The following SPACA7 variants were observed in gnomAD, a reference collection of about 807,000 sequenced individuals.
SPACA7 encodes the protein sperm acrosome associated 7.
A neutral mutation model predicts 26.3 loss-of-function variants in SPACA7; 19 were observed. That is an observed-to-expected ratio of 0.72 (90% CI 0.50 to 1.06). The LOEUF (loss-of-function observed/expected upper bound fraction) is 1.06, where lower values mean the gene tolerates loss of function less well. Among genes scored for constraint, SPACA7 ranks in the 50% least tolerant of loss-of-function variants. The pLI is 0.00. For synonymous variants in SPACA7, 84 were observed against 84.5 expected, an observed-to-expected ratio of 0.99 and a Z score of 0.04; for missense variants, 211 against 229.9, an observed-to-expected ratio of 0.92 and a Z score of 0.53.
intron 5 of SPACA7, among the ~76,000 whole-genome samples, chr13:112,413,694 A>G (rs1467648036): frequency 6.6e-6 from 1 of 151,132 alleles, no homozygotes; most frequent in Non-Finnish European, 1.5e-5. Context: ...ATTTTTCTCT[A>G]CTCCTTAAGG....
intron 5 of SPACA7, among the ~76,000 whole-genome samples, chr13:112,408,127 A>G (rs560072250): frequency 6.6e-6 from 1 of 152,332 alleles, no homozygotes; most frequent in Non-Finnish European, 1.5e-5. Flanking sequence ...CCACATGATT[A>G]TCTCAATAGA....
chr13:112,377,703 C>G (rs1883780982), intron 1 of SPACA7, among the ~76,000 whole-genome samples: 1 of 152,286 alleles, frequency 6.6e-6, no homozygotes, highest in East Asian at 1.9e-4. Context: ...CTCAGAGGAG[C>G]CTGGCATGAG....
At chr13:112,378,485 G>C (rs1883836986) in intron 1 of SPACA7, among the ~76,000 whole-genome samples, 1 of 152,154 alleles carries the variant, frequency 6.6e-6, no homozygotes, top group Non-Finnish European at 1.5e-5. Context: ...AATGGTAATG[G>C]ACCACATAAA....
At chr13:112,428,549 C>T (rs761664453) in intron 5 of SPACA7, among the ~76,000 whole-genome samples, 6 of 151,906 alleles carry the variant, frequency 3.9e-5, no homozygotes, top group East Asian at 3.9e-4. Flanking sequence ...CACTGCACTC[C>T]GGTCTGGGTG....
chr13:112,422,607 C>T (rs7337837), intron 5 of SPACA7, among the ~76,000 whole-genome samples: 5 of 152,158 alleles, frequency 3.3e-5, no homozygotes, highest in Non-Finnish European at 7.4e-5. Context: ...CTGCACACAA[C>T]AGAAATAAAC....
chr13:112,397,103 C>T (rs1885320660), intron 2 of SPACA7, among the ~76,000 whole-genome samples: 1 of 152,252 alleles, frequency 6.6e-6, no homozygotes, highest in Non-Finnish European at 1.5e-5. Flanking sequence ...GGGTGAGAAA[C>T]CAAGAGCCCA....
chr13:112,393,515 GC>G (rs1361772391), intron 2 of SPACA7, among the ~76,000 whole-genome samples: 3 of 151,016 alleles, frequency 2.0e-5, no homozygotes, highest in Non-Finnish European at 3.0e-5. Flanking sequence ...AGCCCTGCCA[GC>G]CCCCTGGAAA....
chr13:112,402,077 C>T (rs1885683032), intron 5 of SPACA7, among the ~76,000 whole-genome samples: 1 of 151,974 alleles, frequency 6.6e-6, no homozygotes, highest in Non-Finnish European at 1.5e-5. Flanking sequence ...ATTTCCTTTC[C>T]TTGAGTTTAT....
chr13:112,382,508 G>T, intron 1 of SPACA7: 5 of 1,550,332 alleles, frequency 3.2e-6, no homozygotes, highest in Non-Finnish European at 4.4e-6. Context: ...GAACCCCAAG[G>T]TGAGAACAGT....
intron 5 of SPACA7, among the ~76,000 whole-genome samples, chr13:112,419,937 C>T (rs969836530): frequency 4.6e-5 from 7 of 152,200 alleles, no homozygotes; most frequent in Admixed American, 2.0e-4. Context: ...AGAAACACTA[C>T]GAAAGTCTCT....
At position 112,383,173 on chromosome 13, in the gene SPACA7, GAAAGAAAGAAAGAA is replaced by G. The variant is rs1884297135; in HGVS notation, c.94+6696_94+6709del. On this transcript the variant is annotated intron_variant, in intron 1 of 6. Transcript: ENST00000283550. Reference sequence around the variant, plus strand: ...AGAAAGAAAGAAAGAAAGAAAGAAAGAAAGAAAGAAAGAAAGAAAGAAAAGAAAGAAAGAAAGGA... The same window carrying G: ...AGAAAGAAAGAAAGAAAGAAAGAAAGAGAAAGAAAAGAAAGAAAGAAAGGA... Among the ~76,000 whole-genome samples the G allele has an allele frequency of 1.8e-5, 2 of 114,090 alleles. 1 individual carries two copies. The highest frequency in any genetic ancestry group is 3.6e-5 in the Non-Finnish European group (2 of 54,810). The allele number at this position is 114,090 out of a possible 152,430, so 74.8% of individuals were successfully genotyped here.
At chr13:112,408,995 T>C (rs768924321) in intron 5 of SPACA7, among the ~76,000 whole-genome samples, 1 of 152,146 alleles carries the variant, frequency 6.6e-6, no homozygotes, top group African/African-American at 2.4e-5. Context: ...CAAAACAGCA[T>C]GATACTGGTA....
At chr13:112,410,743 G>T (rs540367995) in intron 5 of SPACA7, among the ~76,000 whole-genome samples, 1 of 149,736 alleles carries the variant, frequency 6.7e-6, no homozygotes, top group African/African-American at 2.5e-5. Flanking sequence ...ACAGTATGGT[G>T]GTGCCTCAAA....
chr13:112,413,503 T>C (rs1886487545), intron 5 of SPACA7, among the ~76,000 whole-genome samples: 1 of 152,206 alleles, frequency 6.6e-6, no homozygotes, highest in Admixed American at 6.5e-5. Context: ...CTTGCTTCTT[T>C]TATAATCCTT....
At chr13:112,419,973 C>G (rs944127435) in intron 5 of SPACA7, among the ~76,000 whole-genome samples, 10 of 152,206 alleles carry the variant, frequency 6.6e-5, no homozygotes, top group African/African-American at 2.4e-4. Context: ...ACTGTGAACA[C>G]AAGGCAACAG....
At chr13:112,427,734 G>T (rs1876670547) in intron 5 of SPACA7, among the ~76,000 whole-genome samples, 1 of 152,140 alleles carries the variant, frequency 6.6e-6, no homozygotes, top group African/African-American at 2.4e-5. Context: ...TAGATAGAGA[G>T]CTATTTTGTG....
At chr13:112,429,809 T>C (rs569800996) in intron 5 of SPACA7, among the ~76,000 whole-genome samples, 174 of 152,348 alleles carry the variant, frequency 1.1e-3, no homozygotes, top group Non-Finnish European at 2.1e-3. Context: ...TTAGATAGTC[T>C]TGTATTTTTA....
chr13:112,396,535 C>T (rs1232883802), intron 2 of SPACA7, among the ~76,000 whole-genome samples: 2 of 152,060 alleles, frequency 1.3e-5, no homozygotes, highest in African/African-American at 4.8e-5. Context: ...CCATCCTTGG[C>T]CCCCCAGTGC....
At chr13:112,429,174 C>A (rs939251811) in intron 5 of SPACA7, among the ~76,000 whole-genome samples, 1 of 152,084 alleles carries the variant, frequency 6.6e-6, no homozygotes. Context: ...CCCAGGAGTT[C>A]AAGACCAGCC....
Sources: gnomAD v4.1 joint callset for allele counts (sites outside exome capture counted in the v4.1 genomes callset) on GRCh38, gnomAD v4.1.1 for gene constraint, MANE v1.5 for transcripts, NCBI Gene and HGNC (gene_info 2026-07-23, HGNC 2026-07-21) for gene names.